ANLN: variants seen among roughly 807,000 people sequenced by gnomAD.
The protein encoded by ANLN is anillin.
In ANLN, 59 loss-of-function variants were observed where a neutral mutation model predicts 135.1. The ratio of observed to expected loss-of-function variants is 0.44; its 90% CI spans 0.35 to 0.54. ANLN has a LOEUF of 0.54. ANLN is among the 20% of genes least tolerant of loss of function. The pLI is 0.00. For synonymous variants in ANLN, 406 were observed against 456.4 expected (o/e 0.89, Z 1.41); for missense variants, 1,182 against 1,340.0 (o/e 0.88, Z 1.84).
At chr7:36,446,570 GAGCGAGCA>G (rs1789008813) in intron 22 of ANLN, among the ~76,000 whole-genome samples, 1 of 152,180 alleles carries the variant, frequency 6.6e-6, no homozygotes, top group Non-Finnish European at 1.5e-5. Flanking sequence ...AGGAGCGAGC[GAGCGAGCA>G]AGTGAGCAAG....
In ANLN at chr7:36,422,642, G is replaced by T. The variant is rs1787925115; in HGVS notation, c.2309G>T (p.Arg770Ile). The T allele has an allele frequency of 6.2e-7, 1 of 1,602,888 alleles. No individual in the cohort carries two copies. The highest frequency in any genetic ancestry group is 1.1e-5 in the South Asian group (1 of 88,752). The change falls in exon 14 of 24, where the codon AGA becomes ATA. Residue 770 changes from arginine (R) to isoleucine (I), a missense_variant. Physicochemically the swap from Arg to Ile is moderately conservative, Grantham distance 97. Coordinates refer to ENST00000265748, the MANE Select transcript of ANLN (RefSeq NM_018685.5). Reference sequence around the variant, plus strand: ...GCGTTGTTTTACATAGCTGGGAAGAGAACACTTTTGATTGATGAATTGAAT... The same window carrying T: ...GCGTTGTTTTACATAGCTGGGAAGATAACACTTTTGATTGATGAATTGAAT... ...ERLLLIATGK[R>I]TLLIDELNKL...
Position 36,399,141 on chromosome 7 carries a change from G to T in ANLN, c.235G>T (p.Val79Phe), listed in dbSNP as rs1459424834. ...CTGTTCTGACAACACTGAAGTAGAA[G>T]TTTCTAACTTGGAAAATAAACAACC... Reference protein sequence around the residue: ...KRCSDNTEVEVSNLENKQPVE... With the variant: ...KRCSDNTEVEFSNLENKQPVE... Residue 79 changes from valine (V) to phenylalanine (F), a missense_variant, in exon 3 of 24, where the codon GTT (valine) becomes TTT (phenylalanine). Physicochemically the swap from Val to Phe is conservative, Grantham distance 50. Around this residue, in one of 3 missense-constraint regions of ANLN, gnomAD observed 1,022 missense variants for 1,134.0 expected, o/e 0.90. Coordinates refer to ENST00000265748, the MANE Select transcript of ANLN (RefSeq NM_018685.5). The T allele has an allele frequency of 6.2e-7, 1 of 1,614,126 alleles. No homozygotes were observed. The highest frequency in any genetic ancestry group is 1.7e-5 in the Admixed American group (1 of 60,016).
intron 22 of ANLN, among the ~76,000 whole-genome samples, chr7:36,446,725 T>G (rs1013200201): frequency 6.6e-6 from 1 of 152,150 alleles, no homozygotes; most frequent in African/African-American, 2.4e-5. Flanking sequence ...CCTCCAACAC[T>G]GGGGATTACA....
At chr7:36,427,863 G>A (rs1026753275) in intron 20 of ANLN, among the ~76,000 whole-genome samples, 4 of 152,066 alleles carry the variant, frequency 2.6e-5, no homozygotes, top group Admixed American at 1.3e-4. Flanking sequence ...ATTTTAAGGA[G>A]TAAGACAACT....
chr7:36,421,944 A>T lies in ANLN; in HGVS notation c.2251A>T (p.Lys751Ter). 6.2e-7 allele frequency: 1 copy of T among 1,613,824 alleles called. No homozygotes were observed. The highest frequency in any genetic ancestry group is 8.5e-7 in the Non-Finnish European group (1 of 1,179,842). The change falls in exon 13 of 24, where the codon AAA becomes TAA. Residue 751 changes from lysine (K) to a stop codon, truncating the protein, a stop_gained. Coordinates refer to ENST00000265748, the MANE Select transcript of ANLN (RefSeq NM_018685.5). LOFTEE classifies it high-confidence loss of function. ...CTGCTGTGTTGATGAAGAACATGGA[A>T]AAGGGTCCCTAGAAGAAGCTGAAGC... ...LNCCVDEEHG[K>*]GSLEEAEAER...
intron 23 of ANLN, among the ~76,000 whole-genome samples, chr7:36,450,244 C>T (rs576159391): frequency 6.6e-6 from 1 of 152,324 alleles, no homozygotes; most frequent in East Asian, 1.9e-4. Context: ...TCATTCTATT[C>T]TGCAAATTTC....
In ANLN at chr7:36,419,490, GCTAA is replaced by G. The variant is rs756229281; in HGVS notation, c.1869+16_1869+19del. On this transcript the variant is annotated intron_variant, in intron 10 of 23. Coordinates refer to ENST00000265748, the MANE Select transcript of ANLN (RefSeq NM_018685.5). ...GTGGTAAGTCCAGAGGTAAGAAAAG[GCTAA>G]CTAAACAGGCCCAGGACATAAGTAA... The G allele has an allele frequency of 6.2e-6, 10 of 1,608,494 alleles. No individual in the cohort carries two copies.
intron 13 of ANLN, 147 bp from the exon 14 acceptor site, chr7:36,422,486 A>G (rs542427247): frequency 1.4e-6 from 1 of 698,994 alleles, no homozygotes; most frequent in Non-Finnish European, 2.2e-6. Context: ...GTTTTCCCCA[A>G]CCACCTACCA....
At chr7:36,396,176 G>C in intron 1 of ANLN, 90 bp from the exon 2 acceptor site, 1 of 1,150,914 alleles carries the variant, frequency 8.7e-7, no homozygotes, top group Middle Eastern at 2.3e-4. Flanking sequence ...CTGTCATCCT[G>C]TATGGCAATT....
At chr7:36,439,381 A>C in intron 21 of ANLN, 91 bp downstream of exon 21, 1 of 754,782 alleles carries the variant, frequency 1.3e-6, no homozygotes, top group Non-Finnish European at 2.1e-6. Context: ...TTTGTGATTA[A>C]GTAATAAGTT....
intron 21 of ANLN, among the ~76,000 whole-genome samples, chr7:36,442,897 TG>T (rs1788833903): frequency 6.6e-6 from 1 of 151,910 alleles, no homozygotes; most frequent in African/African-American, 2.4e-5. Flanking sequence ...CCCAAAGTGC[TG>T]GGATTACAGG....
chr7:36,435,763 C>T (rs1005484023), intron 20 of ANLN, among the ~76,000 whole-genome samples: 40 of 147,728 alleles, frequency 2.7e-4, no homozygotes, highest in African/African-American at 9.5e-4. Context: ...GTCCCAGCTA[C>T]TCGGGAGGCT....
At chr7:36,440,112 A>G (rs1788706152) in intron 21 of ANLN, among the ~76,000 whole-genome samples, 1 of 152,206 alleles carries the variant, frequency 6.6e-6, no homozygotes, top group Non-Finnish European at 1.5e-5. Context: ...AACATGTGTG[A>G]AAGTTCTGGG....
intron 21 of ANLN, among the ~76,000 whole-genome samples, chr7:36,439,517 C>T (rs1039734271): frequency 1.3e-5 from 2 of 152,144 alleles, no homozygotes; most frequent in African/African-American, 2.4e-5. Flanking sequence ...GAAATACAAA[C>T]GAACAGACAA....
Position 36,424,929 on chromosome 7 carries a change from C to T in ANLN, c.2709+187C>T, listed in dbSNP as rs542075331. The stretch of plus-strand genomic sequence containing the variant: ...ATAAACTGTGAGTGATCATGATTGT[C>T]AGTATAAGTTCCTGATACACTCGGG... On this transcript the variant is annotated intron_variant, in intron 17 of 23. Transcript: ENST00000265748. Among the ~76,000 whole-genome samples the T allele has an allele frequency of 6.6e-5, 10 of 152,230 alleles. No homozygotes were observed. The East Asian group carries it at 1.9e-3, about 29-fold the overall frequency.
At chr7:36,420,800 T>C in intron 12 of ANLN, 56 bp downstream of exon 12, 1 of 1,583,198 alleles carries the variant, frequency 6.3e-7, no homozygotes, top group Non-Finnish European at 8.6e-7. Flanking sequence ...GGCTGTGAGC[T>C]CTGTGAGGAC....
At chr7:36,436,533 G>A (rs1788557177) in intron 20 of ANLN, among the ~76,000 whole-genome samples, 1 of 152,146 alleles carries the variant, frequency 6.6e-6, no homozygotes, top group South Asian at 2.1e-4. Flanking sequence ...TTTAGGAACT[G>A]CTAAACTCTT....
chr7:36,433,333 C>G (rs1040290982), intron 20 of ANLN, among the ~76,000 whole-genome samples: 1 of 152,108 alleles, frequency 6.6e-6, no homozygotes, highest in Admixed American at 6.5e-5. Flanking sequence ...GCCTTAATTT[C>G]TGAAGGATAT....
At chr7:36,445,603 A>C (rs1286135914) in intron 22 of ANLN, among the ~76,000 whole-genome samples, 1 of 152,184 alleles carries the variant, frequency 6.6e-6, no homozygotes, top group Admixed American at 6.5e-5. Context: ...GATTATTTCT[A>C]AATTGTTGTA....
Sources: gnomAD v4.1 joint callset for allele counts (sites outside exome capture counted in the v4.1 genomes callset) on GRCh38, gnomAD v4.1.1 for gene constraint, gnomAD v4.1.1 regional missense constraint, MANE v1.5 for transcripts, NCBI Gene and HGNC (gene_info 2026-07-23, HGNC 2026-07-21) for gene names.